PCDH7: variants seen among roughly 807,000 people sequenced by gnomAD.
PCDH7 encodes the protein protocadherin-7.
In PCDH7, 17 loss-of-function variants were observed where a neutral mutation model predicts 58.9. That is an observed-to-expected ratio of 0.29 (90% CI 0.20 to 0.43). PCDH7 has a LOEUF of 0.43. PCDH7 is among the 20% of genes least tolerant of loss of function. The pLI is 1.00. For synonymous variants in PCDH7, 664 were observed against 616.4 expected, an observed-to-expected ratio of 1.08 and a Z score of -1.14; for missense variants, 1,274 against 1,441.0, an observed-to-expected ratio of 0.88 and a Z score of 1.88.
intron 1 of PCDH7, among the ~76,000 whole-genome samples, chr4:30,849,651 A>G (rs1732458171): frequency 6.6e-6 from 1 of 152,160 alleles, no homozygotes; most frequent in Admixed American, 6.5e-5. Flanking sequence ...TGTGTAAAAT[A>G]TAAACCTGCT....
chr4:31,142,076 T>C (rs1720324452), intron 3 of PCDH7, among the ~76,000 whole-genome samples: 1 of 152,168 alleles, frequency 6.6e-6, no homozygotes, highest in Admixed American at 6.6e-5. Context: ...AATTTATAAA[T>C]CCAGAAAATT....
At chr4:30,981,572 T>G (rs1750571467) in intron 3 of PCDH7, among the ~76,000 whole-genome samples, 2 of 152,146 alleles carry the variant, frequency 1.3e-5, no homozygotes, top group African/African-American at 4.8e-5. Context: ...CAAATCAATT[T>G]TAGACAATAA....
chr4:31,133,483 T>C (rs967500519), intron 3 of PCDH7, among the ~76,000 whole-genome samples: 10 of 152,192 alleles, frequency 6.6e-5, no homozygotes, highest in African/African-American at 2.2e-4. Context: ...GGATAATCAA[T>C]TGGTTATTGT....
chr4:31,099,111 C>T (rs569473123), intron 3 of PCDH7, among the ~76,000 whole-genome samples: 1 of 152,294 alleles, frequency 6.6e-6, no homozygotes, highest in Admixed American at 6.5e-5. Flanking sequence ...TGAGGTGACA[C>T]AATTCAGCTT....
In PCDH7 at chr4:30,721,605, G is replaced by C. The variant is rs545890015; in HGVS notation, c.183G>C (p.Ser61=). The C allele has an allele frequency of 8.7e-6, 14 of 1,612,174 alleles. No homozygotes were observed. The African/African-American group carries it at 1.6e-4, about 18-fold the overall frequency. The stretch of plus-strand genomic sequence containing the variant: ...CAGACCTGGGCATCGTGACCGGATC[G>C]GGTGAGGTGACTTTCAGCCTGGAGT... The change falls in exon 1 of 2, where the codon TCG becomes TCC. Residue 61 remains serine, a synonymous_variant. Coordinates refer to ENST00000361762, the Ensembl canonical transcript of PCDH7. The surrounding 1 kb of genome is among the most constrained non-coding windows in gnomAD (Gnocchi z 6.7).
chr4:30,824,905 A>T (rs982228890), intron 1 of PCDH7, among the ~76,000 whole-genome samples: 2 of 152,142 alleles, frequency 1.3e-5, no homozygotes, highest in African/African-American at 4.8e-5. Context: ...GACAAAATTC[A>T]GTGGCACAGA....
chr4:30,801,158 A>G (rs1462436674), intron 1 of PCDH7, among the ~76,000 whole-genome samples: 1 of 152,220 alleles, frequency 6.6e-6, no homozygotes, highest in Non-Finnish European at 1.5e-5. Context: ...GATGTTGGGA[A>G]AAGATTAGAT....
chr4:31,099,381 TA>T (rs1334595180), intron 3 of PCDH7, among the ~76,000 whole-genome samples: 1 of 152,194 alleles, frequency 6.6e-6, no homozygotes, highest in Non-Finnish European at 1.5e-5. Context: ...AGGCAGATCA[TA>T]TATTCAGGAA....
At chr4:30,984,430 G>GGAACGTTTTC (rs1268233911) in intron 3 of PCDH7, among the ~76,000 whole-genome samples, 2 of 152,092 alleles carry the variant, frequency 1.3e-5, no homozygotes, top group Admixed American at 1.3e-4. Context: ...CTGTTCCTTG[G>GGAACGTTTTC]GAACGTTTTC....
At chr4:30,934,026 TTA>T in intron 2 of PCDH7, among the ~76,000 whole-genome samples, 1 of 152,330 alleles carries the variant, frequency 6.6e-6, no homozygotes, top group East Asian at 1.9e-4. Context: ...TTACTGCCCT[TTA>T]TTCAGTGTGA....
downstream of PCDH7, among the ~76,000 whole-genome samples, chr4:30,735,722 T>A (rs1364401766): frequency 6.6e-6 from 1 of 151,560 alleles, no homozygotes; most frequent in East Asian, 1.9e-4. Context: ...TAGCGAGGAG[T>A]TGGGGAGGTA....
rs549815530 is a variant in PCDH7 at position 30,948,318 on chromosome 4, T to C, written c.288-1802T>C. On this transcript the variant is annotated intron_variant, in intron 2 of 3. Transcript: ENST00000509759. ...AAAAAAAAAAAGCTATATTTCATGC[T>C]AGATGCAAGATCTGGCCACAAATTA... Among the ~76,000 whole-genome samples, 6 of 151,902 alleles carry C rather than the reference T, an allele frequency of 3.9e-5. No homozygotes were observed. The South Asian group carries it at 1.2e-3, about 32-fold the overall frequency.
chr4:31,003,744 A>G (rs1018598132), intron 3 of PCDH7, among the ~76,000 whole-genome samples: 29 of 152,138 alleles, frequency 1.9e-4, no homozygotes, highest in Admixed American at 1.2e-3. Context: ...CATCTCTACT[A>G]AAAATACAAA....
chr4:31,037,228 A>G (rs1034949343), intron 3 of PCDH7, among the ~76,000 whole-genome samples: 2 of 152,196 alleles, frequency 1.3e-5, no homozygotes, highest in Non-Finnish European at 2.9e-5. Context: ...TATCCTTGAA[A>G]ACTCTTGCCT....
chr4:30,723,150 C>A lies in PCDH7; in HGVS notation c.1728C>A (p.Ser576=). 3 of 1,614,138 alleles carry A rather than the reference C, an allele frequency of 1.9e-6. No individual in the cohort carries two copies. Among genetic ancestry groups the A allele is most frequent in the Non-Finnish European group, 2.5e-6 (3 of 1,180,042 alleles). ...CCGAGATCGCCTACTCGCTGGACTCCTCTGTGATGGGGATCTTTGCCATCG... is the reference window on the plus strand; with the variant it reads ...CCGAGATCGCCTACTCGCTGGACTCATCTGTGATGGGGATCTTTGCCATCG... The change falls in exon 1 of 2, where the codon TCC becomes TCA. Residue 576 remains serine (S), a synonymous_variant. Transcript: ENST00000361762. The surrounding 1 kb of genome is among the most constrained non-coding windows in gnomAD (Gnocchi z 4.6).
At chr4:31,004,481 T>G (rs745636057) in intron 3 of PCDH7, among the ~76,000 whole-genome samples, 1 of 152,018 alleles carries the variant, frequency 6.6e-6, no homozygotes, top group African/African-American at 2.4e-5. Context: ...AGGCCTAAGC[T>G]GGCAGATCAC....
At chr4:30,934,319 G>A (rs375267595) in intron 2 of PCDH7, among the ~76,000 whole-genome samples, 1 of 152,278 alleles carries the variant, frequency 6.6e-6, no homozygotes, top group South Asian at 2.1e-4. Flanking sequence ...ATCCCTGTGT[G>A]TGTGTTTTTT....
rs73115171 is a variant in PCDH7, at chr4:31,042,780, T to C, written c.*7+92565T>C. On this transcript the variant is annotated intron_variant, in intron 3 of 3. Coordinates refer to the PCDH7 transcript ENST00000509759. Reference sequence around the variant, plus strand: ...CAGCAAAATAATGTGCATAAAGGAATTACTGTAAAGTTTGATGTCTTGTTC... The same window carrying C: ...CAGCAAAATAATGTGCATAAAGGAACTACTGTAAAGTTTGATGTCTTGTTC... 6.2e-3 allele frequency among the ~76,000 whole-genome samples: 943 copies of C among 152,282 alleles called. 7 individuals carry two copies. Among genetic ancestry groups the C allele is most frequent in the African/African-American group, 0.022 (912 of 41,576 alleles).
intron 1 of PCDH7, among the ~76,000 whole-genome samples, chr4:30,778,124 A>G (rs1290483041): frequency 1.3e-5 from 2 of 152,074 alleles, no homozygotes; most frequent in Non-Finnish European, 2.9e-5. Flanking sequence ...TCTTCCCTGT[A>G]GTGTTCTGTT....
Sources: allele counts gnomAD v4.1 joint callset (sites outside exome capture counted in the v4.1 genomes callset), GRCh38; gene constraint gnomAD v4.1.1; non-coding constraint Gnocchi (gnomAD v3.1); transcripts MANE v1.5; gene names NCBI Gene and HGNC (gene_info 2026-07-23, HGNC 2026-07-21).